CRYBB1: variants seen among roughly 807,000 people sequenced by gnomAD.
CRYBB1 encodes crystallin beta B1, also known as beta-crystallin B1.
In CRYBB1, 16 loss-of-function variants were observed where a neutral mutation model predicts 29.5. The ratio of observed to expected loss-of-function variants is 0.54; its 90% CI spans 0.37 to 0.82. The LOEUF is 0.82. CRYBB1 is among the 40% of genes least tolerant of loss of function. The pLI, the probability that CRYBB1 is intolerant of heterozygous loss-of-function variation, is 0.00. For synonymous variants in CRYBB1, 127 were observed against 136.7 expected, an observed-to-expected ratio of 0.93 and a Z score of 0.49; for missense variants, 300 against 350.5, an observed-to-expected ratio of 0.86 and a Z score of 1.15.
At chr22:26,599,697 G>A (rs771948913) in intron 5 of CRYBB1, 24 bp from the exon 6 acceptor site, 4 of 1,606,292 alleles carry the variant, frequency 2.5e-6, no homozygotes, top group Non-Finnish European at 3.4e-6. Flanking sequence ...GAGAAGGACA[G>A]AGTGGAGACA....
chr22:26,599,480 A>T lies in CRYBB1; in HGVS notation c.*10T>A. The T allele has an allele frequency of 6.2e-7, 1 of 1,604,114 alleles. No homozygotes were observed. Among genetic ancestry groups the T allele is most frequent in the Non-Finnish European group, 8.5e-7 (1 of 1,173,024 alleles). ...AGGGTTGGGGCAAGGTAGCAGAGTG[A>T]GGTGTGGACTCACTTGGGGGGCTCT... On this transcript the variant is annotated 3_prime_UTR_variant, in exon 6 of 6. Transcript: ENST00000647684.
At chr22:26,599,853 G>T (rs1928766582) in intron 5 of CRYBB1, among the ~76,000 whole-genome samples, 180 bp from the exon 6 acceptor site, 1 of 152,230 alleles carries the variant, frequency 6.6e-6, no homozygotes, top group African/African-American at 2.4e-5. Flanking sequence ...TCTCTGATAG[G>T]CCTCGGTTTC....
chr22:26,601,879 G>A lies in CRYBB1; in HGVS notation c.575C>T (p.Thr192Ile), dbSNP rs370395737. 5 of 1,611,810 alleles carry A rather than the reference G, an allele frequency of 3.1e-6. No homozygotes were observed. Among genetic ancestry groups the A allele is most frequent in the African/African-American group, 2.7e-5 (2 of 74,810 alleles). Residue 192 changes from threonine to isoleucine, a missense_variant and splice_region_variant, in exon 5 of 6, where the codon ACA becomes ATA. Coordinates refer to ENST00000647684, the MANE Select transcript of CRYBB1 (RefSeq NM_001887.4). ...CGGACCTGGCAGGAGGGATGCTTAC[G>A]TTCCACTGGAGACCTTCACGCTGCC... Reference protein sequence around the residue: ...RVGSVKVSSGTWVGYQYPGYR... With the variant: ...RVGSVKVSSGIWVGYQYPGYR...
intron 4 of CRYBB1, among the ~76,000 whole-genome samples, chr22:26,602,992 G>A (rs1017521128): frequency 6.6e-6 from 1 of 151,974 alleles, no homozygotes; most frequent in Admixed American, 6.6e-5. Flanking sequence ...GGGCGTGGTG[G>A]TGGGAGCCTG....
At position 26,612,097 on chromosome 22, in the gene CRYBB1, G is replaced by GCACA. The variant is rs762208519; in HGVS notation, c.270_273dup (p.Arg92CysfsTer15). 6 of 1,613,306 alleles carry GCACA rather than the reference G, an allele frequency of 3.7e-6. No homozygotes were observed. The highest frequency in any genetic ancestry group is 4.2e-6 in the Non-Finnish European group (5 of 1,179,702). On this transcript the variant is annotated frameshift_variant, in exon 3 of 6. Coordinates refer to ENST00000647684, the MANE Select transcript of CRYBB1 (RefSeq NM_001887.4). LOFTEE classifies it high-confidence loss of function. Reference sequence around the variant, plus strand: ...GGTCCCGCGGAGACAATGATGCTGCGCACACGGTCGAAGCCACGGTCTGCC... The same window carrying GCACA: ...GGTCCCGCGGAGACAATGATGCTGCGCACACACACGGTCGAAGCCACGGTCTGCC...
chr22:26,608,719 G>A (rs1929062995), intron 3 of CRYBB1, among the ~76,000 whole-genome samples: 1 of 152,118 alleles, frequency 6.6e-6, no homozygotes, highest in Admixed American at 6.5e-5. Context: ...CGGAGGTACA[G>A]GGGTAAGGGA....
At chr22:26,611,631 C>T (rs1016227436) in intron 3 of CRYBB1, among the ~76,000 whole-genome samples, 34 of 152,086 alleles carry the variant, frequency 2.2e-4, no homozygotes, top group South Asian at 6.3e-4. Context: ...CCCGCCACCA[C>T]GCCCGGCTAA....
chr22:26,599,496 G>T lies in CRYBB1; in HGVS notation c.753C>A (p.Pro251=), dbSNP rs775439103. Residue 251 remains proline, a synonymous_variant, in exon 6 of 6, where the codon CCC becomes CCA. Transcript: ENST00000647684. The part of the protein sequence containing the change: ...GSFPVLATEP[P]K ...AGCAGAGTGAGGTGTGGACTCACTT[G>T]GGGGGCTCTGTGGCCAGGACAGGGA... 3 of 1,612,120 alleles carry T rather than the reference G, an allele frequency of 1.9e-6. No homozygotes were observed. Among genetic ancestry groups the T allele is most frequent in the African/African-American group, 2.7e-5 (2 of 74,888 alleles).
intron 2 of CRYBB1, among the ~76,000 whole-genome samples, chr22:26,614,236 C>T (rs554529576): frequency 6.6e-6 from 1 of 152,312 alleles, no homozygotes; most frequent in African/African-American, 2.4e-5. Context: ...CTGTGACCCA[C>T]ACCTATTCTC....
At chr22:26,611,648 G>C (rs1929169196) in intron 3 of CRYBB1, among the ~76,000 whole-genome samples, 1 of 151,640 alleles carries the variant, frequency 6.6e-6, no homozygotes, top group African/African-American at 2.4e-5. Context: ...CTAATTTTTT[G>C]TATTTTTAGT....
intron 2 of CRYBB1, among the ~76,000 whole-genome samples, chr22:26,612,608 T>C (rs1006555889): frequency 1.1e-4 from 17 of 152,210 alleles, no homozygotes; most frequent in Non-Finnish European, 2.4e-4. Flanking sequence ...CTGCCTTGGC[T>C]TCCCAAAGTG....
At chr22:26,610,694 A>G (rs1602327723) in intron 3 of CRYBB1, among the ~76,000 whole-genome samples, 1 of 152,116 alleles carries the variant, frequency 6.6e-6, no homozygotes, top group Non-Finnish European at 1.5e-5. Flanking sequence ...CATCAGAGTC[A>G]CCTGCCATGT....
chr22:26,600,085 G>C (rs1928774127), intron 5 of CRYBB1, among the ~76,000 whole-genome samples: 1 of 152,202 alleles, frequency 6.6e-6, no homozygotes, highest in Admixed American at 6.5e-5. Context: ...GCAAATGAAA[G>C]AGAGGAAGTG....
intron 1 of CRYBB1, 43 bp from the exon 2 acceptor site, chr22:26,616,381 G>A (rs1167803705): frequency 3.5e-5 from 48 of 1,368,512 alleles, no homozygotes; most frequent in Non-Finnish European, 4.5e-5. Context: ...CCCCCAAACT[G>A]CCTCCTGCCC....
At chr22:26,599,795 C>G in intron 5 of CRYBB1, 122 bp from the exon 6 acceptor site, 1 of 791,046 alleles carries the variant, frequency 1.3e-6, no homozygotes, top group Non-Finnish European at 2.2e-6. Context: ...TCACTTCTGT[C>G]CTGGCTATAT....
At chr22:26,611,620 G>A (rs1359055214) in intron 3 of CRYBB1, among the ~76,000 whole-genome samples, 2 of 151,856 alleles carry the variant, frequency 1.3e-5, no homozygotes, top group South Asian at 4.2e-4. Flanking sequence ...GACTACAGGC[G>A]CCCGCCACCA....
Position 26,616,290 on chromosome 22 carries a change from C to A in CRYBB1, c.30G>T (p.Ser10=). The change falls in exon 2 of 6, where the codon TCG becomes TCT. Residue 10 remains serine (S), a synonymous_variant. Coordinates refer to ENST00000647684, the MANE Select transcript of CRYBB1 (RefSeq NM_001887.4). Reference sequence around the variant, plus strand: ...GCCCTGGGTTCACCGCCACTGTGGCCGAGGCCGAGGCCTTTGCAGCCTGAG... The same window carrying A: ...GCCCTGGGTTCACCGCCACTGTGGCAGAGGCCGAGGCCTTTGCAGCCTGAG... The part of the protein sequence containing the change: MSQAAKASA[S]ATVAVNPGPD... 1.9e-6 allele frequency: 3 copies of A among 1,613,842 alleles called. No homozygotes were observed. Among genetic ancestry groups the A allele is most frequent in the Non-Finnish European group, 2.5e-6 (3 of 1,179,932 alleles).
At position 26,612,193 on chromosome 22, in the gene CRYBB1, G is replaced by A; in HGVS notation, c.181-3C>T. ...TTTTCCAGTTCGAAGACCACCAGCT[G>A]CAGGAGAGAAGCCCCCATGCCAAGG... On this transcript the variant is annotated splice_polypyrimidine_tract_variant and splice_region_variant and intron_variant, in intron 2 of 5. Transcript: ENST00000647684. The A allele has an allele frequency of 6.2e-7, 1 of 1,606,218 alleles. No homozygotes were observed. The highest frequency in any genetic ancestry group is 8.5e-7 in the Non-Finnish European group (1 of 1,172,930).
chr22:26,611,274 T>C (rs1400189013), intron 3 of CRYBB1, among the ~76,000 whole-genome samples: 1 of 152,150 alleles, frequency 6.6e-6, no homozygotes, highest in Non-Finnish European at 1.5e-5. Flanking sequence ...AAGAATAGCC[T>C]CTGCCTCCTA....
Sources: gnomAD v4.1 joint callset for allele counts (sites outside exome capture counted in the v4.1 genomes callset) on GRCh38, gnomAD v4.1.1 for gene constraint, MANE v1.5 for transcripts, NCBI Gene and HGNC (gene_info 2026-07-23, HGNC 2026-07-21) for gene names.